MGAT3: variants seen among roughly 807,000 people sequenced by gnomAD.
MGAT3 encodes the protein GlcNAc-T III.
MGAT3 carries 9 observed loss-of-function variants against 29.8 expected under a neutral mutation model. That is an observed-to-expected ratio of 0.30 (90% CI 0.18 to 0.53). The LOEUF is 0.53. MGAT3 is among the 20% of genes least tolerant of loss of function. The pLI is 0.96. For missense variants in MGAT3, 557 were observed against 769.5 expected (o/e 0.72, Z 3.27); for synonymous variants, 397 against 348.9 (o/e 1.14, Z -1.54).
intron 1 of MGAT3, among the ~76,000 whole-genome samples, chr22:39,470,739 G>A (rs1928785634): frequency 6.6e-6 from 1 of 152,200 alleles, no homozygotes; most frequent in Non-Finnish European, 1.5e-5. Flanking sequence ...GGACTGGCCT[G>A]TGTCAAGACT....
intron 1 of MGAT3, among the ~76,000 whole-genome samples, chr22:39,466,489 G>A (rs1195264262): frequency 2.6e-5 from 4 of 152,110 alleles, no homozygotes; most frequent in Non-Finnish European, 2.9e-5. Flanking sequence ...TTCTTCCCCC[G>A]CGTCCCCCAT....
intron 1 of MGAT3, among the ~76,000 whole-genome samples, chr22:39,467,788 A>G (rs1601720041): frequency 1.4e-5 from 2 of 145,340 alleles, no homozygotes; most frequent in East Asian, 2.0e-4. Flanking sequence ...CTAGAGTGCA[A>G]TGGCAATCTC....
In MGAT3 at chr22:39,489,156, G is replaced by A. The variant is rs1929381960; in HGVS notation, c.*207G>A. ...GAAAATATCCCTCCTGTTGGGAGAGGGCGCAGGCCGTGACGTCTGGGTGGC... is the reference window on the plus strand; with the variant it reads ...GAAAATATCCCTCCTGTTGGGAGAGAGCGCAGGCCGTGACGTCTGGGTGGC... On this transcript the variant is annotated 3_prime_UTR_variant, in exon 2 of 2. Coordinates refer to ENST00000341184, the MANE Select transcript of MGAT3 (RefSeq NM_002409.5). The A allele has an allele frequency of 1.4e-6, 1 of 739,546 alleles. No individual in the cohort carries two copies. Among genetic ancestry groups the A allele is most frequent in the Non-Finnish European group, 2.2e-6 (1 of 452,890 alleles). 45.8% of individuals were successfully genotyped at this position (739,546 alleles called of 1,614,324 possible). A position where few individuals can be genotyped will look rare whatever the true frequency, so the allele number is the denominator to read the frequency against.
intron 1 of MGAT3, among the ~76,000 whole-genome samples, chr22:39,464,753 A>T (rs372861653): frequency 2.1e-4 from 28 of 135,470 alleles, no homozygotes; most frequent in African/African-American, 7.0e-4. Flanking sequence ...ATACATATTT[A>T]TTTTTTTTTC....
In MGAT3 at chr22:39,488,545, G is replaced by A. The variant is rs1008406959; in HGVS notation, c.1198G>A (p.Gly400Ser). ...PNFRQYENRT[G>S]HILVQWSLGS... Reference sequence around the variant, plus strand: ...CTTCAGACAGTATGAGAACCGCACCGGCCACATCCTGGTGCAGTGGTCGCT... The same window carrying A: ...CTTCAGACAGTATGAGAACCGCACCAGCCACATCCTGGTGCAGTGGTCGCT... The change falls in exon 2 of 2, where the codon GGC becomes AGC. Residue 400 changes from glycine (G) to serine (S), a missense_variant. This residue lies in a region of MGAT3 where 243 missense variants were observed against 444.0 expected (regional missense o/e 0.55). Transcript: ENST00000341184. The A allele has an allele frequency of 1.2e-6, 2 of 1,613,284 alleles. No individual in the cohort carries two copies. Among genetic ancestry groups the A allele is most frequent in the South Asian group, 1.1e-5 (1 of 91,082 alleles).
intron 1 of MGAT3, among the ~76,000 whole-genome samples, chr22:39,474,442 G>T (rs944435029): frequency 3.3e-5 from 5 of 152,214 alleles, no homozygotes; most frequent in Non-Finnish European, 7.4e-5. Context: ...GGACTCTGCT[G>T]CTGTCACTTG....
intron 1 of MGAT3, among the ~76,000 whole-genome samples, chr22:39,480,717 G>A (rs1207594899): frequency 6.6e-6 from 1 of 152,234 alleles, no homozygotes; most frequent in Non-Finnish European, 1.5e-5. Flanking sequence ...GAGAAGTAGT[G>A]GTTAGGGCTA....
In MGAT3 at chr22:39,488,265, C is replaced by T; in HGVS notation, c.918C>T (p.Asn306=). The part of the protein sequence containing the change: ...LTQDGVSRLR[N]LRPDDVFIID... ...AGGACGGCGTCTCGCGGCTGCGCAA[C>T]CTGCGGCCCGACGACGTCTTCATCA... The change falls in exon 2 of 2, where the codon AAC becomes AAT. Residue 306 remains asparagine (N), a synonymous_variant. Coordinates refer to ENST00000341184, the MANE Select transcript of MGAT3 (RefSeq NM_002409.5). The T allele has an allele frequency of 6.2e-7, 1 of 1,611,598 alleles. No homozygotes were observed. The highest frequency in any genetic ancestry group is 8.5e-7 in the Non-Finnish European group (1 of 1,179,918).
intron 1 of MGAT3, among the ~76,000 whole-genome samples, chr22:39,467,671 G>A (rs983003409): frequency 1.1e-4 from 16 of 151,424 alleles, no homozygotes; most frequent in Admixed American, 4.0e-4. Context: ...GTTTCGTTTC[G>A]TTTTGTTTCA....
chr22:39,490,855 C>T lies in MGAT3; in HGVS notation c.*1906C>T, dbSNP rs1189165289. ...GGCCTCTTCCTCGGGCCTGTGGCCACACCTCCTGCAGCTCCCCAAAATGAC... is the reference window on the plus strand; with the variant it reads ...GGCCTCTTCCTCGGGCCTGTGGCCATACCTCCTGCAGCTCCCCAAAATGAC... On this transcript the variant is annotated 3_prime_UTR_variant, in exon 2 of 2. Coordinates refer to ENST00000341184, the MANE Select transcript of MGAT3 (RefSeq NM_002409.5). The T allele has an allele frequency of 6.0e-6, 1 of 166,840 alleles. No homozygotes were observed. The highest frequency in any genetic ancestry group is 1.5e-5 in the Non-Finnish European group (1 of 68,072). The allele number at this position is 166,840 out of a possible 1,614,324, so 10.3% of individuals were successfully genotyped here. A position where few individuals can be genotyped will look rare whatever the true frequency, so the allele number is the denominator to read the frequency against.
intron 1 of MGAT3, among the ~76,000 whole-genome samples, chr22:39,461,096 T>C (rs970272281): frequency 1.4e-4 from 21 of 152,072 alleles, no homozygotes; most frequent in African/African-American, 5.1e-4. Flanking sequence ...CCCTGATGAG[T>C]TGGCCGATCG....
rs772801603 is a variant in MGAT3, at chr22:39,487,797, G to T, written c.450G>T (p.Arg150=). 20 of 1,494,976 alleles carry T rather than the reference G, an allele frequency of 1.3e-5. No individual in the cohort carries two copies. Among genetic ancestry groups the T allele is most frequent in the South Asian group, 4.0e-5 (3 of 74,698 alleles). 92.6% of individuals were successfully genotyped at this position (1,494,976 alleles called of 1,614,324 possible). ...ANGSSARRPP[R]YLLSARERTG... ...GCTCCTCGGCCCGGCGGCCACCCCG[G>T]TACCTCCTGAGCGCCCGGGAGCGCA... Residue 150 remains arginine, a synonymous_variant, in exon 2 of 2, where the codon CGG becomes CGT. Transcript: ENST00000341184. The surrounding 1 kb of genome is among the most constrained non-coding windows in gnomAD (Gnocchi z 5.7).
At chr22:39,474,863 C>A (rs1420004241) in intron 1 of MGAT3, among the ~76,000 whole-genome samples, 1 of 152,206 alleles carries the variant, frequency 6.6e-6, no homozygotes, top group Non-Finnish European at 1.5e-5. Flanking sequence ...AGTCAGAGCC[C>A]TCGGGCCCTC....
intron 1 of MGAT3, among the ~76,000 whole-genome samples, chr22:39,483,262 A>AG (rs953311677): frequency 5.3e-5 from 8 of 152,196 alleles, no homozygotes; most frequent in African/African-American, 1.9e-4. Context: ...TGGGAGGCCA[A>AG]GGCGGGCAGA....
intron 1 of MGAT3, among the ~76,000 whole-genome samples, chr22:39,482,366 G>A (rs1304460604): frequency 6.6e-6 from 1 of 152,168 alleles, no homozygotes; most frequent in Non-Finnish European, 1.5e-5. Flanking sequence ...GCCCACAGCT[G>A]GGCCACCTGC....
intron 1 of MGAT3, among the ~76,000 whole-genome samples, chr22:39,467,600 C>T (rs1356334161): frequency 1.3e-5 from 2 of 152,166 alleles, no homozygotes; most frequent in East Asian, 1.9e-4. Flanking sequence ...GGACACGACA[C>T]GGGACCTGTG....
chr22:39,488,270 G>A lies in MGAT3; in HGVS notation c.923G>A (p.Arg308Gln), dbSNP rs1307905487. The A allele has an allele frequency of 6.2e-7, 1 of 1,611,390 alleles. No individual in the cohort carries two copies. The highest frequency in any genetic ancestry group is 1.6e-4 in the Middle Eastern group (1 of 6,062). ...QDGVSRLRNL[R>Q]PDDVFIIDDA... is the part of the protein sequence containing the mutation. ...GGCGTCTCGCGGCTGCGCAACCTGC[G>A]GCCCGACGACGTCTTCATCATTGAC... is the stretch of plus-strand genomic sequence containing the variant. The change falls in exon 2 of 2, where the codon CGG becomes CAG. Residue 308 changes from arginine to glutamine, a missense_variant. Transcript: ENST00000341184.
intron 1 of MGAT3, among the ~76,000 whole-genome samples, chr22:39,485,373 C>T (rs1420722168): frequency 6.6e-6 from 1 of 152,170 alleles, no homozygotes; most frequent in Non-Finnish European, 1.5e-5. Flanking sequence ...TTCTGATGTC[C>T]GTTTCCTAGT....
At chr22:39,473,529 C>A (rs1401480414) in intron 1 of MGAT3, among the ~76,000 whole-genome samples, 1 of 152,218 alleles carries the variant, frequency 6.6e-6, no homozygotes, top group Non-Finnish European at 1.5e-5. Flanking sequence ...CACCTCAACA[C>A]CACTGCACTG....
Sources: gnomAD v4.1 joint callset for allele counts (sites outside exome capture counted in the v4.1 genomes callset) on GRCh38, gnomAD v4.1.1 for gene constraint, gnomAD v4.1.1 regional missense constraint, Gnocchi (gnomAD v3.1) non-coding constraint, MANE v1.5 for transcripts, NCBI Gene and HGNC (gene_info 2026-07-23, HGNC 2026-07-21) for gene names.